Variants in LARP4B observed in about 807,000 individuals in gnomAD.
LARP4B encodes the protein la-related protein 4B.
In LARP4B, 12 loss-of-function variants were observed where a neutral mutation model predicts 89.8. The observed-to-expected ratio is 0.13, with a 90% CI of 0.09 to 0.22. The LOEUF (loss-of-function observed/expected upper bound fraction) is 0.22. Ranked by LOEUF, LARP4B falls within the 10% of genes least tolerant of loss-of-function variation. LARP4B has a pLI of 1.00. For synonymous variants in LARP4B, 367 were observed against 363.3 expected, an observed-to-expected ratio of 1.01 and a Z score of -0.12; for missense variants, 757 against 947.7, an observed-to-expected ratio of 0.80 and a Z score of 2.64.
the LARP4B span, among the ~76,000 whole-genome samples, chr10:938,483 G>GAC: frequency 2.2e-4 from 33 of 151,580 alleles, no homozygotes; most frequent in Non-Finnish European, 3.7e-4. Flanking sequence ...TTGATCTCCT[G>GAC]CTCTTGTGAT....
chr10:850,229 G>A (rs1280041153), intron 5 of LARP4B, among the ~76,000 whole-genome samples: 1 of 152,170 alleles, frequency 6.6e-6, no homozygotes, highest in Admixed American at 6.5e-5. Flanking sequence ...CACACTAAAT[G>A]TTAACGTTCT....
intron 8 of LARP4B, among the ~76,000 whole-genome samples, chr10:832,216 TG>T (rs1403256986): frequency 1.8e-4 from 28 of 152,150 alleles, no homozygotes; most frequent in African/African-American, 6.0e-4. Flanking sequence ...GCTAATTTTT[TG>T]TATTTTTAGT....
intron 1 of LARP4B, among the ~76,000 whole-genome samples, chr10:915,083 T>G (rs1414203300): frequency 2.0e-5 from 3 of 152,148 alleles, no homozygotes; most frequent in East Asian, 3.8e-4. Context: ...AGAAAAAATT[T>G]TAAGTGGTTG....
the LARP4B span, among the ~76,000 whole-genome samples, chr10:947,362 G>A: frequency 2.0e-5 from 3 of 152,076 alleles, no homozygotes; most frequent in Non-Finnish European, 4.4e-5. Flanking sequence ...AATATGCTGT[G>A]GCTCTCGGGG....
At chr10:970,297 CAGT>C in the LARP4B span, among the ~76,000 whole-genome samples, 1 of 152,202 alleles carries the variant, frequency 6.6e-6, no homozygotes, top group Non-Finnish European at 1.5e-5. Flanking sequence ...TCACTCCCAG[CAGT>C]AGGAGAGTGC....
chr10:816,377 G>A (rs1206898163), intron 15 of LARP4B, among the ~76,000 whole-genome samples: 1 of 152,166 alleles, frequency 6.6e-6, no homozygotes, highest in Admixed American at 6.5e-5. Context: ...ATCATTTCTG[G>A]AGCCTCCACC....
intron 5 of LARP4B, among the ~76,000 whole-genome samples, chr10:849,186 G>C (rs904780615): frequency 2.0e-5 from 3 of 152,062 alleles, no homozygotes; most frequent in Admixed American, 6.6e-5. Context: ...AGGGAAAGAG[G>C]AACGAAGAAC....
chr10:857,999 A>G (rs1368462481), intron 5 of LARP4B, among the ~76,000 whole-genome samples: 1 of 152,228 alleles, frequency 6.6e-6, no homozygotes, highest in Non-Finnish European at 1.5e-5. Flanking sequence ...AATTTCTAGA[A>G]AGACCCAACA....
chr10:860,171 A>C (rs1381312476), intron 5 of LARP4B, among the ~76,000 whole-genome samples: 5 of 152,126 alleles, frequency 3.3e-5, no homozygotes, highest in African/African-American at 1.2e-4. Flanking sequence ...CCTTCCACTA[A>C]AACTCGCTGT....
the LARP4B span, chr10:987,976 AC>A: frequency 6.5e-6 from 1 of 152,924 alleles, no homozygotes; most frequent in African/African-American, 2.4e-5. Flanking sequence ...TCTGCTCCAC[AC>A]CCAGAGGCTG....
At chr10:943,916 A>G in the LARP4B span, among the ~76,000 whole-genome samples, 25 of 152,044 alleles carry the variant, frequency 1.6e-4, no homozygotes, top group East Asian at 3.7e-3. Context: ...GCACCATTGA[A>G]GCTCACTGCA....
intron 1 of LARP4B, among the ~76,000 whole-genome samples, chr10:899,735 CAT>C (rs1464656625): frequency 1.3e-5 from 2 of 152,162 alleles, no homozygotes; most frequent in East Asian, 1.9e-4. Context: ...CCTAGACAGA[CAT>C]GTGTTCCAAG....
At chr10:970,455 T>A in the LARP4B span, among the ~76,000 whole-genome samples, 1 of 152,150 alleles carries the variant, frequency 6.6e-6, no homozygotes, top group Admixed American at 6.5e-5. Context: ...TCTGTCATTC[T>A]ATGAATTATC....
chr10:951,453 C>A, the LARP4B span, among the ~76,000 whole-genome samples: 1 of 151,856 alleles, frequency 6.6e-6, no homozygotes, highest in Non-Finnish European at 1.5e-5. Context: ...GCTGAGGCAA[C>A]TAGAACCGCT....
At chr10:893,071 CTTTTT>C (rs58203940) in intron 1 of LARP4B, among the ~76,000 whole-genome samples, 80 of 149,720 alleles carry the variant, frequency 5.3e-4, no homozygotes, top group African/African-American at 1.8e-3. Context: ...ACACCATACC[CTTTTT>C]TTTCTTTTTT....
At chr10:941,506 C>CG in the LARP4B span, among the ~76,000 whole-genome samples, 1,196 of 151,620 alleles carry the variant, frequency 7.9e-3, 20 homozygotes, top group African/African-American at 0.026. Flanking sequence ...TAGAGATGGG[C>CG]GGGGGGTGTC....
chr10:899,423 C>CA (rs1836274108), intron 1 of LARP4B, among the ~76,000 whole-genome samples: 1 of 152,208 alleles, frequency 6.6e-6, no homozygotes, highest in African/African-American at 2.4e-5. Flanking sequence ...CCATGTTCTG[C>CA]ACATTCTATT....
chr10:905,493 C>T (rs1588978254), intron 1 of LARP4B, among the ~76,000 whole-genome samples: 2 of 152,170 alleles, frequency 1.3e-5, no homozygotes. Flanking sequence ...AGACATAAAA[C>T]ACTTGACCGA....
intron 3 of LARP4B, among the ~76,000 whole-genome samples, chr10:868,039 C>G (rs568018927): frequency 6.6e-6 from 1 of 151,868 alleles, no homozygotes; most frequent in African/African-American, 2.4e-5. Context: ...AACCCTTCCA[C>G]CCCACCCCAT....
Sources: allele counts gnomAD v4.1 joint callset (sites outside exome capture counted in the v4.1 genomes callset), GRCh38; gene constraint gnomAD v4.1.1; transcripts MANE v1.5; gene names NCBI Gene and HGNC (gene_info 2026-07-23, HGNC 2026-07-21).